GPR160: variants seen among roughly 807,000 people sequenced by gnomAD.
GPR160 encodes probable G protein-coupled receptor 160.
Under a neutral mutation model 2.6 loss-of-function variants are expected in GPR160, and 2 were observed. The observed-to-expected ratio is 0.77, with a 90% CI of 0.32 to 2.44. The LOEUF (loss-of-function observed/expected upper bound fraction) is 2.44. Ranked by LOEUF, GPR160 falls within the 30% of genes most tolerant of loss-of-function variation. GPR160 has a pLI of 0.11. For synonymous variants in GPR160, 130 were observed against 132.2 expected (o/e 0.98, Z 0.12); for missense variants, 351 against 383.6 (o/e 0.91, Z 0.71).
chr3:170,074,572 C>T (rs1001274131), intron 2 of GPR160, among the ~76,000 whole-genome samples: 2 of 152,062 alleles, frequency 1.3e-5, no homozygotes, highest in Non-Finnish European at 2.9e-5. Context: ...ACCTCCACCT[C>T]CTGGGCTCAA....
chr3:170,060,598 A>C (rs1402612516), intron 2 of GPR160, among the ~76,000 whole-genome samples: 2 of 152,020 alleles, frequency 1.3e-5, no homozygotes, highest in Non-Finnish European at 2.9e-5. Flanking sequence ...CCATCTCTAC[A>C]AAACAGTATT....
At position 170,084,682 on chromosome 3, in the gene GPR160, A is replaced by G; in HGVS notation, c.710A>G (p.Lys237Arg). The G allele has an allele frequency of 6.2e-7, 1 of 1,612,054 alleles. No homozygotes were observed. Among genetic ancestry groups the G allele is most frequent in the Non-Finnish European group, 8.5e-7 (1 of 1,178,452 alleles). ...CACTCCAGTTATACTGTGAGATCTA[A>G]AAAAATATTCTTATCCAAGCTCATT... The part of the protein sequence containing the change: ...SSHSSYTVRS[K>R]KIFLSKLIVC... The change falls in exon 4 of 4, where the codon AAA becomes AGA. Residue 237 changes from lysine to arginine, a missense_variant. Lys to Arg is a conservative substitution (Grantham distance 26, BLOSUM62 2). Transcript: ENST00000355897.
Position 170,085,040 on chromosome 3 carries a change from G to A in GPR160, c.*51G>A. On this transcript the variant is annotated 3_prime_UTR_variant, in exon 4 of 4. Transcript: ENST00000355897. ...TCATAAGATCATAATTTTATGAACA[G>A]AAAGAACTCAGGACATATTAAAAAA... is the stretch of plus-strand genomic sequence containing the variant. 1 of 1,023,696 alleles carries A rather than the reference G, an allele frequency of 9.8e-7. No homozygotes were observed. Among genetic ancestry groups the A allele is most frequent in the Non-Finnish European group, 1.4e-6 (1 of 718,984 alleles). The allele number at this position is 1,023,696 out of a possible 1,614,324, so 63.4% of individuals were successfully genotyped here.
chr3:170,046,830 C>T (rs1716743736), intron 2 of GPR160, among the ~76,000 whole-genome samples: 1 of 152,140 alleles, frequency 6.6e-6, no homozygotes, highest in South Asian at 2.1e-4. Context: ...GAAGTGAACC[C>T]AGGTTCAGGC....
chr3:170,081,399 T>G (rs1713118994), intron 3 of GPR160, among the ~76,000 whole-genome samples: 1 of 152,234 alleles, frequency 6.6e-6, no homozygotes, highest in African/African-American at 2.4e-5. Flanking sequence ...GTGTGGGAAG[T>G]ACTTGTTTGA....
At chr3:170,059,645 T>C (rs1711831383) in intron 2 of GPR160, among the ~76,000 whole-genome samples, 1 of 152,178 alleles carries the variant, frequency 6.6e-6, no homozygotes, top group South Asian at 2.1e-4. Flanking sequence ...TTTAAGTTAA[T>C]CTCTAATTTG....
intron 2 of GPR160, among the ~76,000 whole-genome samples, chr3:170,044,185 G>A (rs889841568): frequency 3.3e-5 from 5 of 151,876 alleles, no homozygotes; most frequent in African/African-American, 4.8e-5. Flanking sequence ...TTAGCCTGGC[G>A]TGGTGGTGTA....
Position 170,084,461 on chromosome 3 carries a change from C to G in GPR160, c.489C>G (p.Ser163Arg). 6.2e-7 allele frequency: 1 copy of G among 1,613,326 alleles called. No homozygotes were observed. Residue 163 changes from serine to arginine, a missense_variant, in exon 4 of 4, where the codon AGC becomes AGG. Coordinates refer to ENST00000355897, the MANE Select transcript of GPR160 (RefSeq NM_014373.3). The part of the protein sequence containing the change: ...YVLGDPAIYQ[S>R]LKAQNAYSRH... ...TGGGAGACCCAGCCATCTACCAAAG[C>G]CTGAAGGCACAGAATGCTTATTCTC...
intron 3 of GPR160, among the ~76,000 whole-genome samples, chr3:170,080,157 A>T (rs1490482376): frequency 6.6e-6 from 1 of 152,214 alleles, no homozygotes; most frequent in African/African-American, 2.4e-5. Context: ...GTATTTTGTG[A>T]ACATTTTTCT....
At position 170,062,694 on chromosome 3, in the gene GPR160, A is replaced by C. The variant is rs1712029788; in HGVS notation, c.-192-17080A>C. ...TTGAAATAGCCCATCAAGGGCAAAC[A>C]GGCCCCCGAAAAAAAGCTCAAGGAA... On this transcript the variant is annotated intron_variant, in intron 2 of 3. Transcript: ENST00000355897. 2.8e-6 allele frequency: 4 copies of C among 1,424,150 alleles called. No homozygotes were observed. In the South Asian group the frequency reaches 4.8e-5, roughly 17 times the overall value. 88.2% of individuals were successfully genotyped at this position (1,424,150 alleles called of 1,614,324 possible).
intron 2 of GPR160, among the ~76,000 whole-genome samples, chr3:170,048,902 T>A (rs1393102555): frequency 2.0e-5 from 3 of 152,074 alleles, no homozygotes; most frequent in Non-Finnish European, 4.4e-5. Context: ...AGACATTGAA[T>A]CAGAATCTGT....
chr3:170,052,857 T>C (rs6784109), intron 2 of GPR160, among the ~76,000 whole-genome samples: 73,031 of 152,016 alleles, frequency 0.48, 18,114 homozygotes, highest in East Asian at 0.76. Flanking sequence ...TTTATAGCTA[T>C]GCTTGTGATC....
chr3:170,051,693 C>T (rs1048233870), intron 2 of GPR160, among the ~76,000 whole-genome samples: 1 of 151,896 alleles, frequency 6.6e-6, no homozygotes, highest in East Asian at 1.9e-4. Context: ...CCACTGCACT[C>T]CAGCTTGGGA....
Position 170,084,657 on chromosome 3 carries a change from C to T in GPR160, c.685C>T (p.His229Tyr), listed in dbSNP as rs149617592. The change falls in exon 4 of 4, where the codon CAC becomes TAC. Residue 229 changes from histidine to tyrosine, a missense_variant. Transcript: ENST00000355897. ...ETILYFPFSS[H>Y]SSYTVRSKKI... ...TATCTTATATTTTCCTTTTTCATCC[C>T]ACTCCAGTTATACTGTGAGATCTAA... 5.7e-5 allele frequency: 92 copies of T among 1,607,952 alleles called. No homozygotes were observed. Among genetic ancestry groups the T allele is most frequent in the Non-Finnish European group, 7.8e-5 (92 of 1,174,822 alleles).
intron 2 of GPR160, among the ~76,000 whole-genome samples, chr3:170,065,822 A>C (rs189394721): frequency 2.8e-4 from 42 of 152,240 alleles, no homozygotes; most frequent in Non-Finnish European, 4.9e-4. Context: ...TAATACAGTC[A>C]CATGTTTAGC....
intron 2 of GPR160, chr3:170,062,477 AG>A (rs1712018399): frequency 3.4e-6 from 2 of 587,150 alleles, no homozygotes; most frequent in Admixed American, 2.5e-5. Flanking sequence ...GTCAAATGCC[AG>A]GGGAAACCAT....
At chr3:170,060,989 G>A (rs1246777179) in intron 2 of GPR160, among the ~76,000 whole-genome samples, 1 of 151,912 alleles carries the variant, frequency 6.6e-6, no homozygotes, top group African/African-American at 2.4e-5. Flanking sequence ...AAAAATGTCA[G>A]TATTGCCGGG....
At chr3:170,056,122 A>G (rs1487460435) in intron 2 of GPR160, among the ~76,000 whole-genome samples, 1 of 152,186 alleles carries the variant, frequency 6.6e-6, no homozygotes, top group African/African-American at 2.4e-5. Context: ...AATGACTAGT[A>G]CAAGGTATGC....
At chr3:170,047,372 T>A (rs1161831352) in intron 2 of GPR160, among the ~76,000 whole-genome samples, 1 of 152,216 alleles carries the variant, frequency 6.6e-6, no homozygotes, top group African/African-American at 2.4e-5. Flanking sequence ...CTTTACTGTA[T>A]TCTGAAAGGT....
Sources: allele counts gnomAD v4.1 joint callset (sites outside exome capture counted in the v4.1 genomes callset), GRCh38; gene constraint gnomAD v4.1.1; transcripts MANE v1.5; gene names NCBI Gene and HGNC (gene_info 2026-07-23, HGNC 2026-07-21).